The following PAM variants were observed in gnomAD, a reference collection of about 807,000 sequenced individuals.
PAM encodes the protein peptidylglycine alpha-amidating monooxygenase.
A neutral mutation model predicts 122.1 loss-of-function variants in PAM; 72 were observed. The ratio of observed to expected loss-of-function variants is 0.59; its 90% confidence interval spans 0.49 to 0.72. The LOEUF is 0.72. Ranked by LOEUF, PAM falls within the 30% of genes least tolerant of loss-of-function variation. The pLI is 0.00. For missense variants in PAM, 1,106 were observed against 1,183.7 expected, an observed-to-expected ratio of 0.93 and a Z score of 0.96; for synonymous variants, 389 against 404.4, an observed-to-expected ratio of 0.96 and a Z score of 0.46.
At chr5:102,999,427 G>A (rs982027699) in intron 16 of PAM, among the ~76,000 whole-genome samples, 1 of 152,200 alleles carries the variant, frequency 6.6e-6, no homozygotes, top group Non-Finnish European at 1.5e-5. Flanking sequence ...CAGGCACATG[G>A]TGCAAGCCGT....
At chr5:102,813,343 C>A (rs1408452972) in intron 1 of PAM, among the ~76,000 whole-genome samples, 1 of 152,070 alleles carries the variant, frequency 6.6e-6, no homozygotes, top group African/African-American at 2.4e-5. Context: ...GATTTCTCAC[C>A]AACTATATTG....
At chr5:102,842,222 A>ATATATATATATATG (rs1442964310) in intron 1 of PAM, among the ~76,000 whole-genome samples, 6 of 151,516 alleles carry the variant, frequency 4.0e-5, no homozygotes, top group African/African-American at 1.5e-4. Flanking sequence ...ATATATATAT[A>ATATATATATATATG]TATATCTCCA....
In PAM at chr5:103,007,439, CT is replaced by C. The variant is rs754930916; in HGVS notation, c.2015-10del. On this transcript the variant is annotated splice_polypyrimidine_tract_variant and intron_variant, in intron 19 of 25. Coordinates refer to ENST00000438793, the MANE Select transcript of PAM (RefSeq NM_001177306.2). ...GATTTTTAACATTGTGTATCTAAGGCTTTTTTTTGTTCTGCAGAGTCTTCAG... is the reference window on the plus strand; with the variant it reads ...GATTTTTAACATTGTGTATCTAAGGCTTTTTTTGTTCTGCAGAGTCTTCAG... 3.6e-5 allele frequency: 57 copies of C among 1,602,262 alleles called. No individual in the cohort carries two copies. The highest frequency in any genetic ancestry group is 8.4e-5 in the Admixed American group (5 of 59,584).
At chr5:102,894,592 T>C (rs1359826439) in intron 3 of PAM, among the ~76,000 whole-genome samples, 1 of 151,676 alleles carries the variant, frequency 6.6e-6, no homozygotes, top group African/African-American at 2.4e-5. Context: ...AATTTACATC[T>C]TTAGGCCAAG....
At chr5:102,763,359 A>G (rs1412185096) in intron 1 of PAM, among the ~76,000 whole-genome samples, 1 of 152,228 alleles carries the variant, frequency 6.6e-6, no homozygotes, top group South Asian at 2.1e-4. Context: ...ACAAATATTC[A>G]TTCAGTGTCA....
At chr5:102,822,300 T>C (rs1433878939) in intron 1 of PAM, among the ~76,000 whole-genome samples, 1 of 152,198 alleles carries the variant, frequency 6.6e-6, no homozygotes, top group Non-Finnish European at 1.5e-5. Context: ...CTATTCTAAT[T>C]TAGAGTCACA....
chr5:102,858,726 A>T (rs897688852), intron 1 of PAM, among the ~76,000 whole-genome samples: 18 of 152,356 alleles, frequency 1.2e-4, no homozygotes, highest in African/African-American at 4.3e-4. Context: ...AAATTAAAAG[A>T]CTACAAAAGC....
intron 1 of PAM, among the ~76,000 whole-genome samples, chr5:102,765,239 G>C (rs566979770): frequency 6.6e-6 from 1 of 152,152 alleles, no homozygotes; most frequent in Non-Finnish European, 1.5e-5. Context: ...TTTGGCACCA[G>C]TAGTTGCCCT....
At chr5:102,883,286 T>C (rs920534236) in intron 3 of PAM, among the ~76,000 whole-genome samples, 1 of 151,984 alleles carries the variant, frequency 6.6e-6, no homozygotes. Context: ...GGGAATTGCA[T>C]TGAATTTGTA....
chr5:102,937,843 A>T (rs867252328), intron 7 of PAM, among the ~76,000 whole-genome samples: 3 of 152,172 alleles, frequency 2.0e-5, no homozygotes, highest in Non-Finnish European at 4.4e-5. Context: ...ACTGTTTTTA[A>T]AAGTCTTTTG....
At chr5:102,888,172 G>A (rs1174942948) in intron 3 of PAM, among the ~76,000 whole-genome samples, 3 of 152,010 alleles carry the variant, frequency 2.0e-5, no homozygotes, top group Non-Finnish European at 4.4e-5. Context: ...GACTCAATAT[G>A]TATTTCAGGG....
chr5:102,935,208 T>G (rs1239705420), intron 7 of PAM, among the ~76,000 whole-genome samples: 1 of 152,108 alleles, frequency 6.6e-6, no homozygotes, highest in East Asian at 1.9e-4. Context: ...TTAGCTTATC[T>G]CAGCATTTCT....
At chr5:102,758,836 A>AG (rs1305669969) in intron 1 of PAM, among the ~76,000 whole-genome samples, 1 of 152,000 alleles carries the variant, frequency 6.6e-6, no homozygotes, top group Non-Finnish European at 1.5e-5. Flanking sequence ...GGGTAGGGGG[A>AG]GGGGGGAAGG....
At chr5:102,941,285 C>T (rs1191257931) in intron 7 of PAM, among the ~76,000 whole-genome samples, 1 of 152,200 alleles carries the variant, frequency 6.6e-6, no homozygotes. Context: ...TGGATAAATG[C>T]GTTTTCTCTT....
intron 15 of PAM, among the ~76,000 whole-genome samples, chr5:102,988,183 C>A (rs961741925): frequency 2.6e-5 from 4 of 152,158 alleles, no homozygotes; most frequent in Admixed American, 2.6e-4. Context: ...ACACATTCTG[C>A]AATTATAAAC....
chr5:102,944,624 G>GA (rs1206893636), intron 7 of PAM, among the ~76,000 whole-genome samples: 17 of 151,774 alleles, frequency 1.1e-4, no homozygotes, highest in African/African-American at 4.1e-4. Context: ...CCAAAACTCA[G>GA]AAAAAAAATA....
rs142060849 is a variant in PAM, at chr5:102,831,793, A to G, written c.-373-34030A>G. 1.6e-3 allele frequency among the ~76,000 whole-genome samples: 246 copies of G among 152,176 alleles called. 2 individuals are homozygous for G. The highest frequency in any genetic ancestry group is 5.8e-3 in the African/African-American group (240 of 41,502). ...TTTACTACTATGCTAATGTGGTACA[A>G]TTTTTGAAGTATGTTAAGATGCTAA... is the stretch of plus-strand genomic sequence containing the variant. On this transcript the variant is annotated intron_variant, in intron 1 of 25. Transcript: ENST00000438793.
intron 1 of PAM, among the ~76,000 whole-genome samples, chr5:102,787,870 C>G (rs928567368): frequency 1.3e-5 from 2 of 152,014 alleles, no homozygotes; most frequent in African/African-American, 4.8e-5. Context: ...TAGTGAGTCT[C>G]TGGCTTGGGA....
intron 3 of PAM, among the ~76,000 whole-genome samples, chr5:102,876,180 T>C (rs771053305): frequency 1.3e-5 from 2 of 152,194 alleles, no homozygotes; most frequent in Non-Finnish European, 2.9e-5. Flanking sequence ...GTAAACAATA[T>C]GCTAGTAAAT....
Sources: gnomAD v4.1 joint callset for allele counts (sites outside exome capture counted in the v4.1 genomes callset) on GRCh38, gnomAD v4.1.1 for gene constraint, MANE v1.5 for transcripts, NCBI Gene and HGNC (gene_info 2026-07-23, HGNC 2026-07-21) for gene names.